PHYHIPL: variants seen among roughly 807,000 people sequenced by gnomAD.
The protein encoded by PHYHIPL is phytanoyl-CoA 2-hydroxylase interacting protein like, also known as phytanoyl-CoA hydroxylase-interacting protein-like.
Under a neutral mutation model 33.4 loss-of-function variants are expected in PHYHIPL, and 9 were observed. That is an observed-to-expected ratio of 0.27 (90% CI 0.16 to 0.47). The LOEUF (loss-of-function observed/expected upper bound fraction) is 0.47, where lower values mean the gene tolerates loss of function less well. Among genes scored for constraint, PHYHIPL ranks in the 20% least tolerant of loss-of-function variants. The pLI, the probability that PHYHIPL is intolerant of heterozygous loss-of-function variation, is 0.99. For synonymous variants in PHYHIPL, 153 were observed against 154.1 expected, an observed-to-expected ratio of 0.99 and a Z score of 0.05; for missense variants, 365 against 460.7, an observed-to-expected ratio of 0.79 and a Z score of 1.90.
intron 4 of PHYHIPL, among the ~76,000 whole-genome samples, chr10:59,240,454 C>T (rs369920266): frequency 3.3e-5 from 5 of 151,630 alleles, no homozygotes; most frequent in East Asian, 1.9e-4. Context: ...AGATAACTTA[C>T]GTTAGCCTAC....
At chr10:59,228,204 A>G (rs1839982612) in intron 1 of PHYHIPL, among the ~76,000 whole-genome samples, 2 of 152,130 alleles carry the variant, frequency 1.3e-5, no homozygotes, top group Admixed American at 1.3e-4. Flanking sequence ...ATCTAAATGG[A>G]TGACTGATTA....
At chr10:59,217,098 G>A (rs953704719) in intron 1 of PHYHIPL, among the ~76,000 whole-genome samples, 5 of 151,954 alleles carry the variant, frequency 3.3e-5, no homozygotes, top group African/African-American at 7.2e-5. Context: ...ATAACCTTGA[G>A]GTGTTAAGTG....
chr10:59,195,123 T>G (rs1445022998), intron 1 of PHYHIPL, among the ~76,000 whole-genome samples: 1 of 152,252 alleles, frequency 6.6e-6, no homozygotes, highest in Non-Finnish European at 1.5e-5. Context: ...GTTATTATAT[T>G]AATTATGTAA....
chr10:59,229,392 G>C (rs55775279), intron 1 of PHYHIPL, among the ~76,000 whole-genome samples: 1 of 152,104 alleles, frequency 6.6e-6, no homozygotes, highest in African/African-American at 2.4e-5. Flanking sequence ...GTGTAATATG[G>C]CCCTAAATTA....
intron 1 of PHYHIPL, among the ~76,000 whole-genome samples, chr10:59,230,212 C>CTTTTTTTTT (rs71006238): frequency 2.4e-5 from 3 of 123,376 alleles, no homozygotes; most frequent in African/African-American, 6.2e-5. Context: ...AAATTGCTTT[C>CTTTTTTTTT]TTTTTTTTTT....
chr10:59,199,828 G>T (rs192054774), intron 1 of PHYHIPL, among the ~76,000 whole-genome samples: 109 of 152,238 alleles, frequency 7.2e-4, no homozygotes, highest in Non-Finnish European at 1.2e-3. Context: ...ATTGTGAATG[G>T]AATTTCACTC....
intron 1 of PHYHIPL, among the ~76,000 whole-genome samples, chr10:59,192,837 G>A (rs78471746): frequency 0.02 from 3,060 of 152,172 alleles, 43 homozygotes; most frequent in Non-Finnish European, 0.032. Context: ...ATTTTTAACT[G>A]GGGGGAATAT....
At chr10:59,180,314 G>GTATGTGTGTGTGTA (rs1491252242) in intron 1 of PHYHIPL, among the ~76,000 whole-genome samples, 3 of 86,170 alleles carry the variant, frequency 3.5e-5, no homozygotes, top group African/African-American at 1.6e-4. Flanking sequence ...TATAGAAAAA[G>GTATGTGTGTGTGTA]TATATATATA....
intron 1 of PHYHIPL, among the ~76,000 whole-genome samples, chr10:59,205,570 A>G (rs989550411): frequency 6.6e-6 from 1 of 152,220 alleles, no homozygotes; most frequent in African/African-American, 2.4e-5. Context: ...TAAAAGAATG[A>G]TATAACATGC....
intron 1 of PHYHIPL, among the ~76,000 whole-genome samples, chr10:59,218,982 G>C (rs1839690059): frequency 6.6e-6 from 1 of 151,776 alleles, no homozygotes. Flanking sequence ...CCAGGCTGGA[G>C]AGCAGTGGCA....
At chr10:59,214,611 T>G (rs1199524808) in intron 1 of PHYHIPL, among the ~76,000 whole-genome samples, 1 of 152,084 alleles carries the variant, frequency 6.6e-6, no homozygotes. Flanking sequence ...CTGCTCCGTT[T>G]GAGAACCAGT....
At chr10:59,211,088 G>T (rs570805680) in intron 1 of PHYHIPL, among the ~76,000 whole-genome samples, 3 of 152,120 alleles carry the variant, frequency 2.0e-5, no homozygotes, top group African/African-American at 7.2e-5. Context: ...CACAAATAAG[G>T]CCTGATATGG....
chr10:59,240,842 G>A (rs11006410), intron 4 of PHYHIPL, among the ~76,000 whole-genome samples: 32,658 of 151,652 alleles, frequency 0.22, 4,766 homozygotes, highest in African/African-American at 0.41. Context: ...TTGTTTTTAG[G>A]TCCTTTAGTA....
chr10:59,233,002 G>A (rs1322672503), intron 1 of PHYHIPL, among the ~76,000 whole-genome samples: 1 of 151,868 alleles, frequency 6.6e-6, no homozygotes, highest in Non-Finnish European at 1.5e-5. Flanking sequence ...GACCTGATGG[G>A]GAGGAAAGTA....
intron 1 of PHYHIPL, among the ~76,000 whole-genome samples, chr10:59,218,552 G>A (rs1229825541): frequency 6.6e-6 from 1 of 152,114 alleles, no homozygotes; most frequent in Non-Finnish European, 1.5e-5. Context: ...AGAGTTCTGA[G>A]AGAAGAGCTA....
Position 59,205,725 on chromosome 10 carries a change from A to G in PHYHIPL, c.107-28579A>G, listed in dbSNP as rs866306994. Among the ~76,000 whole-genome samples the G allele has an allele frequency of 7.9e-5, 12 of 152,316 alleles. No homozygotes were observed. The Middle Eastern group carries it at 0.01, about 130-fold the overall frequency. ...CGGAGTACACTGGTCCTCATGGCAC[A>G]GTCCCTCATGGCTACTTCAGCTAAT... On this transcript the variant is annotated intron_variant, in intron 1 of 4. Transcript: ENST00000373880.
At chr10:59,218,187 A>C (rs2133252897) in intron 1 of PHYHIPL, among the ~76,000 whole-genome samples, 1 of 152,192 alleles carries the variant, frequency 6.6e-6, no homozygotes, top group East Asian at 1.9e-4. Context: ...TAGTACCTGA[A>C]GTTTATACAA....
At position 59,176,687 on chromosome 10, in the gene PHYHIPL, G is replaced by A. The variant is rs1838259575; in HGVS notation, c.-167G>A. 5 of 597,588 alleles carry A rather than the reference G, an allele frequency of 8.4e-6. No homozygotes were observed. Among genetic ancestry groups the A allele is most frequent in the Admixed American group, 3.2e-5 (1 of 31,102 alleles). The allele number at this position is 597,588 out of a possible 1,614,324, so 37.0% of individuals were successfully genotyped here. A position where few individuals can be genotyped will look rare whatever the true frequency, so the allele number is the denominator to read the frequency against. ...AGCTCCTGCCACAGCCGTCGCCTTC[G>A]CGGCGGCTCTCCAGCCCCGCGCCTC... is the stretch of plus-strand genomic sequence containing the variant. On this transcript the variant is annotated 5_prime_UTR_variant, in exon 1 of 5. Transcript: ENST00000373880.
chr10:59,178,205 A>G (rs969111703), intron 1 of PHYHIPL, among the ~76,000 whole-genome samples: 3 of 151,736 alleles, frequency 2.0e-5, no homozygotes, highest in African/African-American at 7.2e-5. Context: ...ATATTTAATA[A>G]TTTTGAAACC....
Sources: allele counts gnomAD v4.1 joint callset (sites outside exome capture counted in the v4.1 genomes callset), GRCh38; gene constraint gnomAD v4.1.1; transcripts MANE v1.5; gene names NCBI Gene and HGNC (gene_info 2026-07-23, HGNC 2026-07-21).